The following TAFA1 variants were observed in gnomAD, a reference collection of about 807,000 sequenced individuals.
The protein encoded by TAFA1 is TAFA chemokine like family member 1, also known as chemokine-like protein TAFA-1.
TAFA1 carries 4 observed loss-of-function variants against 18.5 expected under a neutral mutation model. That is an observed-to-expected ratio of 0.22 (90% CI 0.11 to 0.49). The LOEUF is 0.49. TAFA1 is among the 20% of genes least tolerant of loss of function. The probability of loss-of-function intolerance (pLI) is 0.98; values close to 1 mark genes in which losing one functional copy is unlikely to be tolerated. For synonymous variants in TAFA1, 56 were observed against 55.2 expected, an observed-to-expected ratio of 1.01 and a Z score of -0.06; for missense variants, 147 against 169.0, an observed-to-expected ratio of 0.87 and a Z score of 0.72.
intron 3 of TAFA1, among the ~76,000 whole-genome samples, chr3:68,498,721 G>GTTTTTTTTTTTTTTTT (rs1559694779): frequency 9.8e-6 from 1 of 101,722 alleles, no homozygotes. Flanking sequence ...CCGTTTGGTG[G>GTTTTTTTTTTTTTTTT]CTTTTTTTTT....
At chr3:68,171,320 A>G (rs142699991) in intron 2 of TAFA1, among the ~76,000 whole-genome samples, 114 of 152,280 alleles carry the variant, frequency 7.5e-4, no homozygotes, top group African/African-American at 2.5e-3. Context: ...AAGAAAATAG[A>G]TTGTTCTATA....
chr3:68,037,315 A>G (rs1705073281), intron 2 of TAFA1, among the ~76,000 whole-genome samples: 1 of 152,144 alleles, frequency 6.6e-6, no homozygotes, highest in African/African-American at 2.4e-5. Context: ...GCCAAAGAGG[A>G]AAGGACCAGA....
At chr3:68,091,124 C>T (rs2065025175) in intron 2 of TAFA1, among the ~76,000 whole-genome samples, 1 of 152,104 alleles carries the variant, frequency 6.6e-6, no homozygotes, top group Non-Finnish European at 1.5e-5. Flanking sequence ...GAAAGATTTA[C>T]CCTATAAAAT....
intron 2 of TAFA1, among the ~76,000 whole-genome samples, chr3:68,182,705 C>T (rs964032009): frequency 6.6e-6 from 1 of 152,144 alleles, no homozygotes; most frequent in African/African-American, 2.4e-5. Context: ...TAATGTCTTA[C>T]AGCCCTTAAG....
chr3:68,442,139 A>G (rs1007672668), intron 3 of TAFA1, among the ~76,000 whole-genome samples: 15 of 152,000 alleles, frequency 9.9e-5, no homozygotes, highest in Non-Finnish European at 2.1e-4. Context: ...CCTTATATCA[A>G]TTTTTTTAAT....
intron 2 of TAFA1, among the ~76,000 whole-genome samples, chr3:68,122,834 ATGTG>A (rs1415884889): frequency 7.3e-5 from 11 of 150,030 alleles, no homozygotes; most frequent in African/African-American, 2.4e-4. Flanking sequence ...GTGTGTGTGT[ATGTG>A]TGTATTATAC....
At chr3:68,346,081 A>T (rs903188143) in intron 2 of TAFA1, among the ~76,000 whole-genome samples, 2 of 152,170 alleles carry the variant, frequency 1.3e-5, no homozygotes, top group Non-Finnish European at 2.9e-5. Flanking sequence ...CTAATTGAGA[A>T]GCCAAAATAT....
intron 2 of TAFA1, among the ~76,000 whole-genome samples, chr3:68,401,671 G>A (rs2070495834): frequency 6.6e-6 from 1 of 152,168 alleles, no homozygotes; most frequent in Admixed American, 6.5e-5. Context: ...TTCTGCATTT[G>A]GATCTCTTTG....
intron 3 of TAFA1, among the ~76,000 whole-genome samples, chr3:68,421,179 A>G (rs2070949010): frequency 6.6e-6 from 1 of 152,142 alleles, no homozygotes; most frequent in Non-Finnish European, 1.5e-5. Context: ...CATAACAGTA[A>G]TATTTTTATC....
chr3:68,486,026 C>G (rs1160078764), intron 3 of TAFA1, among the ~76,000 whole-genome samples: 1 of 152,042 alleles, frequency 6.6e-6, no homozygotes, highest in Non-Finnish European at 1.5e-5. Context: ...CTCCTGGGCT[C>G]AAGCAGCTCC....
At chr3:68,271,519 G>A (rs1271043097) in intron 2 of TAFA1, among the ~76,000 whole-genome samples, 1 of 152,128 alleles carries the variant, frequency 6.6e-6, no homozygotes, top group Non-Finnish European at 1.5e-5. Context: ...TGTTGGGTGG[G>A]AAAAACAGCG....
intron 2 of TAFA1, among the ~76,000 whole-genome samples, chr3:68,049,047 C>T (rs1183398860): frequency 6.6e-6 from 1 of 152,136 alleles, no homozygotes; most frequent in Non-Finnish European, 1.5e-5. Context: ...AACTGTTCTC[C>T]ATAGTGATTG....
intron 2 of TAFA1, among the ~76,000 whole-genome samples, chr3:68,389,860 C>T (rs1274595065): frequency 6.6e-6 from 1 of 152,152 alleles, no homozygotes; most frequent in South Asian, 2.1e-4. Flanking sequence ...AAAGTCTTTG[C>T]AACCCACAGA....
intron 2 of TAFA1, among the ~76,000 whole-genome samples, chr3:68,244,428 A>G (rs1166264613): frequency 1.3e-5 from 2 of 152,122 alleles, no homozygotes; most frequent in Non-Finnish European, 2.9e-5. Flanking sequence ...TAATTTTCCT[A>G]TAAGGTGTGA....
intron 2 of TAFA1, among the ~76,000 whole-genome samples, chr3:68,080,744 C>T (rs1433971242): frequency 6.6e-6 from 1 of 152,142 alleles, no homozygotes; most frequent in Non-Finnish European, 1.5e-5. Flanking sequence ...CTGCCCTTAA[C>T]ATTTTTTCCT....
At chr3:68,217,983 A>G (rs1452642244) in intron 2 of TAFA1, among the ~76,000 whole-genome samples, 1 of 152,104 alleles carries the variant, frequency 6.6e-6, no homozygotes, top group African/African-American at 2.4e-5. Context: ...TATATACTAA[A>G]TGCCATATGC....
intron 2 of TAFA1, among the ~76,000 whole-genome samples, chr3:68,235,256 A>G (rs1335060855): frequency 1.3e-5 from 2 of 152,292 alleles, no homozygotes; most frequent in East Asian, 1.9e-4. Flanking sequence ...TCCACTCACC[A>G]TATCTTACCA....
intron 3 of TAFA1, among the ~76,000 whole-genome samples, chr3:68,491,782 G>A (rs985440201): frequency 6.6e-6 from 1 of 152,140 alleles, no homozygotes; most frequent in Non-Finnish European, 1.5e-5. Flanking sequence ...CCAACGTCAT[G>A]TTTATGGATG....
rs74451618 is a variant in TAFA1 at position 68,160,988 on chromosome 3, G to T, written c.118+154244G>T. Among the ~76,000 whole-genome samples, 445 of 152,188 alleles carry T rather than the reference G, an allele frequency of 2.9e-3. 2 individuals carry two copies. Among genetic ancestry groups the T allele is most frequent in the African/African-American group, 9.8e-3 (409 of 41,526 alleles). ...AAATACCCAGGGCGTTAAGTGTGTG[G>T]GTCACTATCCATTTAGATCCACATC... is the stretch of plus-strand genomic sequence containing the variant. On this transcript the variant is annotated intron_variant, in intron 2 of 4. Transcript: ENST00000478136.
Sources: allele counts gnomAD v4.1 joint callset (sites outside exome capture counted in the v4.1 genomes callset), GRCh38; gene constraint gnomAD v4.1.1; transcripts MANE v1.5; gene names NCBI Gene and HGNC (gene_info 2026-07-23, HGNC 2026-07-21).